DYM: variants seen among roughly 807,000 people sequenced by gnomAD.
DYM encodes the protein dyggve-Melchior-Clausen syndrome protein.
DYM carries 78 observed loss-of-function variants against 93.1 expected under a neutral mutation model. The ratio of observed to expected loss-of-function variants is 0.84; its 90% CI spans 0.70 to 1.01. The LOEUF (loss-of-function observed/expected upper bound fraction) is 1.01. Ranked by LOEUF, DYM falls within the 50% of genes least tolerant of loss-of-function variation. The pLI is 0.00. For missense variants in DYM, 789 were observed against 845.0 expected (o/e 0.93, Z 0.82); for synonymous variants, 321 against 319.7 (o/e 1.00, Z -0.04).
chr18:49,236,682 AC>A (rs1231780773), intron 13 of DYM, among the ~76,000 whole-genome samples: 1 of 152,192 alleles, frequency 6.6e-6, no homozygotes, highest in Non-Finnish European at 1.5e-5. Context: ...GGAAATGAAA[AC>A]AAAGTCTTTT....
chr18:49,341,387 G>C (rs946397175), intron 6 of DYM, among the ~76,000 whole-genome samples: 9 of 148,764 alleles, frequency 6.0e-5, no homozygotes, highest in African/African-American at 2.2e-4. Flanking sequence ...AGCTACTCAG[G>C]AAGCTGAGGC....
At chr18:49,283,867 T>G (rs2095052087) in intron 9 of DYM, among the ~76,000 whole-genome samples, 1 of 152,214 alleles carries the variant, frequency 6.6e-6, no homozygotes, top group Non-Finnish European at 1.5e-5. Context: ...CAAAATGCCT[T>G]CAGGTTTACT....
intron 17 of DYM, among the ~76,000 whole-genome samples, chr18:49,044,681 C>T (rs926700224): frequency 2.0e-5 from 3 of 152,112 alleles, no homozygotes; most frequent in Admixed American, 6.5e-5. Flanking sequence ...CATGTGCCAC[C>T]GGTGGAGGGG....
At chr18:49,325,090 G>A (rs996012763) in intron 8 of DYM, among the ~76,000 whole-genome samples, 8 of 152,104 alleles carry the variant, frequency 5.3e-5, no homozygotes, top group Non-Finnish European at 1.0e-4. Context: ...AATAATCCAG[G>A]GTGAGATATT....
chr18:49,258,888 A>G (rs2094444850), intron 11 of DYM, among the ~76,000 whole-genome samples: 1 of 101,176 alleles, frequency 9.9e-6, no homozygotes, highest in South Asian at 3.3e-4. Flanking sequence ...AGAGAGAGAT[A>G]GGCAGGCAGG....
At chr18:49,146,648 G>A (rs1166419749) in intron 15 of DYM, among the ~76,000 whole-genome samples, 1 of 152,118 alleles carries the variant, frequency 6.6e-6, no homozygotes, top group African/African-American at 2.4e-5. Context: ...GGGACGTGAA[G>A]GACCTCTTCA....
chr18:49,339,193 A>G (rs1055697318), intron 6 of DYM, among the ~76,000 whole-genome samples: 2 of 152,254 alleles, frequency 1.3e-5, no homozygotes, highest in African/African-American at 4.8e-5. Context: ...TAACCAGCAT[A>G]GTCAGTTTTA....
chr18:49,437,940 A>G (rs1010939924), intron 1 of DYM, among the ~76,000 whole-genome samples: 12 of 152,306 alleles, frequency 7.9e-5, no homozygotes, highest in African/African-American at 2.9e-4. Context: ...GTACACCTGT[A>G]ATCCCAGCAC....
intron 17 of DYM, among the ~76,000 whole-genome samples, chr18:49,074,271 T>C (rs1482121213): frequency 6.6e-6 from 1 of 152,226 alleles, no homozygotes; most frequent in Non-Finnish European, 1.5e-5. Context: ...TATCCCTAAA[T>C]GATACAGTAT....
intron 15 of DYM, among the ~76,000 whole-genome samples, chr18:49,129,214 G>A (rs182669158): frequency 5.0e-4 from 76 of 152,068 alleles, no homozygotes; most frequent in Non-Finnish European, 2.2e-4. Flanking sequence ...GACAGGGCAC[G>A]TCACTTTCAC....
At chr18:49,169,949 T>C (rs1007424808) in intron 14 of DYM, among the ~76,000 whole-genome samples, 1 of 152,072 alleles carries the variant, frequency 6.6e-6, no homozygotes, top group Non-Finnish European at 1.5e-5. Flanking sequence ...AGAGACAGCA[T>C]GGAGCGGGAA....
intron 11 of DYM, among the ~76,000 whole-genome samples, chr18:49,264,312 C>T (rs951449932): frequency 2.0e-5 from 3 of 151,756 alleles, no homozygotes; most frequent in African/African-American, 7.3e-5. Flanking sequence ...AAACGTAAAC[C>T]CTGAAATGGA....
chr18:49,230,655 AAG>A (rs2093668745), intron 13 of DYM, among the ~76,000 whole-genome samples: 1 of 152,246 alleles, frequency 6.6e-6, no homozygotes, highest in African/African-American at 2.4e-5. Context: ...CTTATTAGAG[AAG>A]AGTTATTTCT....
At chr18:49,309,947 G>A (rs1276518758) in intron 8 of DYM, among the ~76,000 whole-genome samples, 4 of 152,108 alleles carry the variant, frequency 2.6e-5, no homozygotes, top group African/African-American at 9.7e-5. Flanking sequence ...GCTATCACAG[G>A]GACAACATAA....
chr18:49,182,821 A>G (rs1458508416), intron 14 of DYM, among the ~76,000 whole-genome samples: 1 of 152,048 alleles, frequency 6.6e-6, no homozygotes, highest in Non-Finnish European at 1.5e-5. Context: ...TCTCTCAGGG[A>G]TTTGTTTCTT....
At chr18:49,225,326 C>A (rs2093491899) in intron 13 of DYM, among the ~76,000 whole-genome samples, 1 of 152,134 alleles carries the variant, frequency 6.6e-6, no homozygotes, top group Non-Finnish European at 1.5e-5. Flanking sequence ...GGTGCAAGCA[C>A]AACCCTTGAA....
At chr18:49,204,954 ATATTTATTTGTT>A (rs1239531456) in intron 14 of DYM, among the ~76,000 whole-genome samples, 2 of 152,088 alleles carry the variant, frequency 1.3e-5, no homozygotes, top group African/African-American at 4.8e-5. Context: ...TACATTACAT[ATATTTATTTGTT>A]TATTTATTTC....
At chr18:49,249,444 T>G (rs1006547420) in intron 13 of DYM, among the ~76,000 whole-genome samples, 2 of 152,208 alleles carry the variant, frequency 1.3e-5, no homozygotes, top group African/African-American at 4.8e-5. Context: ...TAATATTCCC[T>G]TTCATGTTTG....
At chr18:49,242,944 C>G (rs1598859684) in intron 13 of DYM, among the ~76,000 whole-genome samples, 3 of 152,160 alleles carry the variant, frequency 2.0e-5, no homozygotes, top group Admixed American at 1.3e-4. Context: ...TCGTGATCCA[C>G]CCGTCTCGGC....
Sources: allele counts gnomAD v4.1 joint callset (sites outside exome capture counted in the v4.1 genomes callset), GRCh38; gene constraint gnomAD v4.1.1; transcripts MANE v1.5; gene names NCBI Gene and HGNC (gene_info 2026-07-23, HGNC 2026-07-21).